The following DOK5 variants were observed in gnomAD, a reference collection of about 807,000 sequenced individuals.
The protein encoded by DOK5 is docking protein 5.
In DOK5, 27 loss-of-function variants were observed where a neutral mutation model predicts 43.3. The ratio of observed to expected loss-of-function variants is 0.62; its 90% confidence interval spans 0.46 to 0.86. DOK5 has a LOEUF of 0.86. Among genes scored for constraint, DOK5 ranks in the 40% least tolerant of loss-of-function variants. The pLI, the probability that DOK5 is intolerant of heterozygous loss-of-function variation, is 0.00. For synonymous variants in DOK5, 146 were observed against 140.1 expected (o/e 1.04, Z -0.30); for missense variants, 373 against 392.9 (o/e 0.95, Z 0.43).
intron 1 of DOK5, among the ~76,000 whole-genome samples, chr20:54,481,105 C>CATCT (rs1239358457): frequency 8.9e-5 from 13 of 145,780 alleles, no homozygotes; most frequent in African/African-American, 3.4e-4. Context: ...ATCTATCTAT[C>CATCT]ATCTATCTAT....
At chr20:54,558,624 C>T (rs1254132028) in intron 2 of DOK5, among the ~76,000 whole-genome samples, 2 of 151,966 alleles carry the variant, frequency 1.3e-5, no homozygotes, top group East Asian at 1.9e-4. Flanking sequence ...CACACCGTGA[C>T]CAAATTTTAG....
intron 1 of DOK5, among the ~76,000 whole-genome samples, chr20:54,550,281 C>T (rs1984483207): frequency 6.6e-6 from 1 of 151,578 alleles, no homozygotes. Context: ...ATCTTACTGT[C>T]TTTTTAAAAA....
chr20:54,557,959 T>C (rs1984770819), intron 2 of DOK5, among the ~76,000 whole-genome samples: 1 of 152,220 alleles, frequency 6.6e-6, no homozygotes, highest in Non-Finnish European at 1.5e-5. Context: ...ATGGGAGACA[T>C]GATTCACTAT....
intron 1 of DOK5, among the ~76,000 whole-genome samples, chr20:54,479,638 G>A (rs766556227): frequency 1.3e-5 from 2 of 152,126 alleles, no homozygotes; most frequent in African/African-American, 2.4e-5. Context: ...ATTTATCTAC[G>A]CACAATCCCT....
chr20:54,553,256 C>T lies in DOK5; in HGVS notation c.67-1677C>T, dbSNP rs370333003. 2.6e-4 allele frequency among the ~76,000 whole-genome samples: 39 copies of T among 152,210 alleles called. No homozygotes were observed. The East Asian group carries it at 2.7e-3, about 11-fold the overall frequency. The stretch of plus-strand genomic sequence containing the variant: ...TGTCGCCCAGGCTGGAGTGCAGTGG[C>T]GCCATCTCGGCTCACTGCAAGCTCC... On this transcript the variant is annotated intron_variant, in intron 1 of 7. Transcript: ENST00000262593.
At chr20:54,596,593 G>A (rs1171168401) in intron 5 of DOK5, among the ~76,000 whole-genome samples, 1 of 152,184 alleles carries the variant, frequency 6.6e-6, no homozygotes, top group African/African-American at 2.4e-5. Context: ...ACGTGGATAT[G>A]TCACTTAACT....
intron 6 of DOK5, among the ~76,000 whole-genome samples, chr20:54,622,765 C>T (rs562120395): frequency 6.6e-6 from 1 of 152,180 alleles, no homozygotes; most frequent in African/African-American, 2.4e-5. Context: ...CGTGCATCTG[C>T]TTGACCGTGT....
intron 1 of DOK5, among the ~76,000 whole-genome samples, chr20:54,518,974 C>T (rs2146694557): frequency 6.6e-6 from 1 of 152,294 alleles, no homozygotes; most frequent in East Asian, 1.9e-4. Flanking sequence ...CACTGGCCGT[C>T]AGAGAGATGC....
At chr20:54,581,682 G>A (rs1985647615) in intron 2 of DOK5, among the ~76,000 whole-genome samples, 1 of 151,582 alleles carries the variant, frequency 6.6e-6, no homozygotes, top group African/African-American at 2.4e-5. Flanking sequence ...ATTTTCTTTT[G>A]GGATTGTTTA....
At chr20:54,620,179 C>G (rs1266312673) in intron 6 of DOK5, among the ~76,000 whole-genome samples, 1 of 152,152 alleles carries the variant, frequency 6.6e-6, no homozygotes, top group East Asian at 1.9e-4. Flanking sequence ...ACTTGCAAAG[C>G]AATGTGTTAG....
At chr20:54,639,827 A>G (rs1979019195) in intron 6 of DOK5, among the ~76,000 whole-genome samples, 1 of 152,218 alleles carries the variant, frequency 6.6e-6, no homozygotes, top group South Asian at 2.1e-4. Flanking sequence ...CAAAAACATT[A>G]CCAAACTTCT....
At position 54,643,587 on chromosome 20, in the gene DOK5, G is replaced by A; in HGVS notation, c.856+9G>A. ...GCTCTACCGCTTGCAAGGTAAGCGT[G>A]GGGCTACCTGTGTCCAGGGTGTGGG... On this transcript the variant is annotated intron_variant, in intron 7 of 7. Coordinates refer to ENST00000262593, the MANE Select transcript of DOK5 (RefSeq NM_018431.5). 6.2e-7 allele frequency: 1 copy of A among 1,610,670 alleles called. No individual in the cohort carries two copies. The highest frequency in any genetic ancestry group is 8.5e-7 in the Non-Finnish European group (1 of 1,179,430).
chr20:54,496,810 C>T (rs937600029), intron 1 of DOK5, among the ~76,000 whole-genome samples: 2 of 148,860 alleles, frequency 1.3e-5, no homozygotes, highest in African/African-American at 2.5e-5. Flanking sequence ...CAGCATAAAT[C>T]GACATTTAGA....
intron 1 of DOK5, 91 bp from the exon 2 acceptor site, chr20:54,554,842 A>C (rs1017668905): frequency 8.7e-6 from 7 of 806,540 alleles, no homozygotes; most frequent in African/African-American, 1.7e-5. Flanking sequence ...GCTTGCAAAT[A>C]TTTCACAGGT....
In DOK5 at chr20:54,475,621, A is replaced by C; in HGVS notation, c.-326A>C. 7 of 399,638 alleles carry C rather than the reference A, an allele frequency of 1.8e-5. No individual in the cohort carries two copies. Among genetic ancestry groups the C allele is most frequent in the Non-Finnish European group, 2.7e-5 (6 of 221,120 alleles). 24.8% of individuals were successfully genotyped at this position (399,638 alleles called of 1,614,324 possible). A position where few individuals can be genotyped will look rare whatever the true frequency, so the allele number is the denominator to read the frequency against. On this transcript the variant is annotated 5_prime_UTR_variant, in exon 1 of 8. Coordinates refer to ENST00000262593, the MANE Select transcript of DOK5 (RefSeq NM_018431.5). The surrounding 1 kb of genome is among the most constrained non-coding windows in gnomAD (Gnocchi z 4.2). ...CTTCTCCTCCTTCTCGGCCGGGAGG[A>C]GGCAGGGCTGGATCCCTCAGCCGCC...
In DOK5 at chr20:54,588,676, C is replaced by T. The variant is rs1211495264; in HGVS notation, c.290-11C>T. On this transcript the variant is annotated splice_polypyrimidine_tract_variant and intron_variant, in intron 3 of 7. Coordinates refer to ENST00000262593, the MANE Select transcript of DOK5 (RefSeq NM_018431.5). ...TGGGCACACAGTTTAATCTTTTTGA[C>T]ATTTCCACAGATCTTGAGGCTGATG... The T allele has an allele frequency of 1.2e-6, 2 of 1,614,074 alleles. No homozygotes were observed. The highest frequency in any genetic ancestry group is 1.1e-5 in the South Asian group (1 of 91,068).
chr20:54,620,402 C>T (rs1004853021), intron 6 of DOK5, among the ~76,000 whole-genome samples: 29 of 152,120 alleles, frequency 1.9e-4, no homozygotes, highest in African/African-American at 6.8e-4. Context: ...CCATGCCCAG[C>T]TAATTTTTGT....
At chr20:54,590,394 C>G (rs1218530741) in intron 4 of DOK5, among the ~76,000 whole-genome samples, 1 of 152,000 alleles carries the variant, frequency 6.6e-6, no homozygotes, top group Non-Finnish European at 1.5e-5. Flanking sequence ...TTTTCCCTAT[C>G]TCTCCCCTAT....
At chr20:54,546,120 G>T (rs145399509) in intron 1 of DOK5, among the ~76,000 whole-genome samples, 1 of 152,284 alleles carries the variant, frequency 6.6e-6, no homozygotes, top group South Asian at 2.1e-4. Context: ...TTGACCTTGA[G>T]TAAGATGCTC....
Sources: allele counts gnomAD v4.1 joint callset (sites outside exome capture counted in the v4.1 genomes callset), GRCh38; gene constraint gnomAD v4.1.1; non-coding constraint Gnocchi (gnomAD v3.1); transcripts MANE v1.5; gene names NCBI Gene and HGNC (gene_info 2026-07-23, HGNC 2026-07-21).